The following HLF variants were observed in gnomAD, a reference collection of about 807,000 sequenced individuals.
HLF encodes the protein hepatic leukemia factor.
In HLF, 3 loss-of-function variants were observed where a neutral mutation model predicts 22.6. The observed-to-expected ratio is 0.13, with a 90% CI of 0.06 to 0.34. HLF has a LOEUF of 0.34. Among genes scored for constraint, HLF ranks in the 10% least tolerant of loss-of-function variants. The probability of loss-of-function intolerance (pLI) is 1.00; values close to 1 mark genes in which losing one functional copy is unlikely to be tolerated. For missense variants in HLF, 299 were observed against 389.2 expected (o/e 0.77, Z 1.95); for synonymous variants, 151 against 151.8 (o/e 0.99, Z 0.04).
In HLF at chr17:55,322,047, TTTC is replaced by T; in HGVS notation, c.*1170_*1172del. The stretch of plus-strand genomic sequence containing the variant: ...GTTGATTAAGTTAATAAGTTGATGT[TTTC>T]TAAGGCCCTTTTTCCTAGTGGTGTC... On this transcript the variant is annotated 3_prime_UTR_variant, in exon 4 of 4. Coordinates refer to ENST00000226067, the MANE Select transcript of HLF (RefSeq NM_002126.5). 1 of 214,128 alleles carries T rather than the reference TTTC, an allele frequency of 4.7e-6. No homozygotes were observed. Among genetic ancestry groups the T allele is most frequent in the Non-Finnish European group, 9.4e-6 (1 of 105,822 alleles). 13.3% of individuals were successfully genotyped at this position (214,128 alleles called of 1,614,324 possible). A position where few individuals can be genotyped will look rare whatever the true frequency, so the allele number is the denominator to read the frequency against.
chr17:55,299,581 C>T (rs17817857), intron 2 of HLF, among the ~76,000 whole-genome samples: 35,490 of 151,966 alleles, frequency 0.23, 4,433 homozygotes, highest in East Asian at 0.28. Context: ...CCAAGGAGAA[C>T]ACAAAGCAGG....
In HLF at chr17:55,321,901, G is replaced by A. The variant is rs995815941; in HGVS notation, c.*1022G>A. ...ACCCTGCCTCGCCCCCACTTTTCTA[G>A]TTAACTTTTTCCATATCCCTCTTGA... On this transcript the variant is annotated 3_prime_UTR_variant, in exon 4 of 4. Transcript: ENST00000226067. 3.9e-5 allele frequency: 9 copies of A among 231,080 alleles called. No individual in the cohort carries two copies. Among genetic ancestry groups the A allele is most frequent in the African/African-American group, 6.7e-5 (3 of 45,090 alleles). 14.3% of individuals were successfully genotyped at this position (231,080 alleles called of 1,614,324 possible).
intron 3 of HLF, among the ~76,000 whole-genome samples, chr17:55,318,724 C>T (rs1448200142): frequency 6.6e-6 from 1 of 152,186 alleles, no homozygotes; most frequent in East Asian, 1.9e-4. Flanking sequence ...TTGGAAACCG[C>T]ACTCCCAGGC....
At chr17:55,297,318 TG>T (rs1306346445) in intron 2 of HLF, among the ~76,000 whole-genome samples, 1 of 152,214 alleles carries the variant, frequency 6.6e-6, no homozygotes, top group African/African-American at 2.4e-5. Flanking sequence ...TAATTCCTTT[TG>T]GTGTGGCCTC....
At chr17:55,294,413 A>C (rs1195108025) in intron 2 of HLF, among the ~76,000 whole-genome samples, 1 of 152,240 alleles carries the variant, frequency 6.6e-6, no homozygotes, top group Non-Finnish European at 1.5e-5. Flanking sequence ...AGTTGGAGGC[A>C]TTCAGTGTTC....
At chr17:55,319,123 G>A (rs1905175756) in intron 3 of HLF, 1 of 152,168 alleles carries the variant, frequency 6.6e-6, no homozygotes, top group African/African-American at 2.4e-5. Context: ...AAAAAGCTGG[G>A]GGTGCTTTAT....
rs1904336081 is a variant in HLF at position 55,302,388 on chromosome 17, A to T, written c.452-12839A>T. On this transcript the variant is annotated intron_variant, in intron 2 of 3. Coordinates refer to ENST00000226067, the MANE Select transcript of HLF (RefSeq NM_002126.5). ...GACTCATGCGGGAAAGAATCTGTGG[A>T]TCTCTTTGAGAAGCTGCAGAACAGC... 2.0e-5 allele frequency among the ~76,000 whole-genome samples: 3 copies of T among 152,314 alleles called. No individual in the cohort carries two copies. The South Asian group carries it at 6.2e-4, about 32-fold the overall frequency.
chr17:55,268,128 G>A, intron 2 of HLF, 42 bp downstream of exon 2: 1 of 1,380,104 alleles, frequency 7.2e-7, no homozygotes, highest in Non-Finnish European at 9.9e-7. Flanking sequence ...GGGAGGAGGA[G>A]GGTGAATGGG....
rs763345433 is a variant in HLF at position 55,265,580 on chromosome 17, C to A, written c.96C>A (p.Leu32=). ...LRSLLENPLK[L]PLHHEDAFSK... ...CCCTGCTGGAGAACCCGCTGAAGCT[C>A]CCCCTTCACCACGAAGACGGTGAGC... The change falls in exon 1 of 4, where the codon CTC becomes CTA. Residue 32 remains leucine (L), a synonymous_variant. Coordinates refer to ENST00000226067, the MANE Select transcript of HLF (RefSeq NM_002126.5). 1 of 1,599,892 alleles carries A rather than the reference C, an allele frequency of 6.3e-7. No homozygotes were observed. The highest frequency in any genetic ancestry group is 1.7e-4 in the Middle Eastern group (1 of 6,028).
intron 2 of HLF, among the ~76,000 whole-genome samples, chr17:55,303,072 C>T (rs1904374253): frequency 6.6e-6 from 1 of 152,230 alleles, no homozygotes; most frequent in African/African-American, 2.4e-5. Flanking sequence ...GTCCCCTCCC[C>T]TCAGACTCCT....
At chr17:55,296,708 T>A (rs12051775) in intron 2 of HLF, among the ~76,000 whole-genome samples, 15,188 of 152,288 alleles carry the variant, frequency 0.1, 1,303 homozygotes, top group East Asian at 0.42. Context: ...ACTTGTGTGG[T>A]ATATCTAAAG....
chr17:55,277,276 C>CGG (rs1239042119), intron 2 of HLF, among the ~76,000 whole-genome samples: 1 of 74,526 alleles, frequency 1.3e-5, no homozygotes, highest in Non-Finnish European at 3.1e-5. Flanking sequence ...TGTGTGTGTG[C>CGG]GCGCGCATGT....
chr17:55,273,626 T>G (rs1031842674), intron 2 of HLF: 2 of 152,290 alleles, frequency 1.3e-5, no homozygotes, highest in Non-Finnish European at 2.9e-5. Context: ...AGCCACTGTC[T>G]GGGTGCCCAG....
chr17:55,281,988 T>C (rs771965219), intron 2 of HLF, among the ~76,000 whole-genome samples: 13 of 152,192 alleles, frequency 8.5e-5, no homozygotes, highest in Non-Finnish European at 5.9e-5. Flanking sequence ...CTAAATTGAA[T>C]TTGGAATCAG....
At chr17:55,307,147 CTTTTTTTTTTTTTT>C (rs35828509) in intron 2 of HLF, among the ~76,000 whole-genome samples, 5 of 70,124 alleles carry the variant, frequency 7.1e-5, no homozygotes, top group African/African-American at 3.1e-4. Flanking sequence ...TCTCAGCGGC[CTTTTTTTTTTTTTT>C]TTTTTTTTTT....
rs776111727 is a variant in HLF at position 55,286,730 on chromosome 17, A to G, written c.451+18644A>G. Among the ~76,000 whole-genome samples, 210 of 152,330 alleles carry G rather than the reference A, an allele frequency of 1.4e-3. 1 individual carries two copies. Among genetic ancestry groups the G allele is most frequent in the Non-Finnish European group, 2.0e-3 (133 of 68,026 alleles). On this transcript the variant is annotated intron_variant, in intron 2 of 3. Transcript: ENST00000226067. ...ATTCCATAAGGATTTCCCAGCGCCAAGCCTTATTCAGAGTCTTATATTTAC... is the reference window on the plus strand; with the variant it reads ...ATTCCATAAGGATTTCCCAGCGCCAGGCCTTATTCAGAGTCTTATATTTAC...
In HLF at chr17:55,314,005, A is replaced by G. The variant is rs530461445; in HGVS notation, c.452-1222A>G. Among the ~76,000 whole-genome samples, 18 of 152,294 alleles carry G rather than the reference A, an allele frequency of 1.2e-4. No individual in the cohort carries two copies. The South Asian group carries it at 3.5e-3, about 30-fold the overall frequency. ...TAGGTTTTAATGAAACCTAAAGAAT[A>G]CTTCACACATTGACCTACCATTGGC... On this transcript the variant is annotated intron_variant, in intron 2 of 3. Coordinates refer to ENST00000226067, the MANE Select transcript of HLF (RefSeq NM_002126.5).
rs1329150309 is a variant in HLF, at chr17:55,306,687, T to C, written c.452-8540T>C. 2.6e-5 allele frequency among the ~76,000 whole-genome samples: 4 copies of C among 152,292 alleles called. No homozygotes were observed. The East Asian group carries it at 7.7e-4, about 29-fold the overall frequency. On this transcript the variant is annotated intron_variant, in intron 2 of 3. Transcript: ENST00000226067. ...AGAGCTATGACAGGTTCCCAGCTAC[T>C]GGGATCCAGGACACCTTCCAATTTC...
intron 2 of HLF, among the ~76,000 whole-genome samples, chr17:55,305,854 A>G (rs960534843): frequency 1.3e-5 from 2 of 152,190 alleles, no homozygotes; most frequent in African/African-American, 2.4e-5. Flanking sequence ...GAAAAAGAAC[A>G]TGGGCTTTAG....
Sources: gnomAD v4.1 joint callset for allele counts (sites outside exome capture counted in the v4.1 genomes callset) on GRCh38, gnomAD v4.1.1 for gene constraint, MANE v1.5 for transcripts, NCBI Gene and HGNC (gene_info 2026-07-23, HGNC 2026-07-21) for gene names.